EPHA6: variants seen among roughly 807,000 people sequenced by gnomAD.
EPHA6 encodes the protein ephrin type-A receptor 6.
In EPHA6, 50 loss-of-function variants were observed where a neutral mutation model predicts 112.0. That is an observed-to-expected ratio of 0.45 (90% CI 0.36 to 0.56). The LOEUF (loss-of-function observed/expected upper bound fraction) is 0.56, where lower values mean the gene tolerates loss of function less well. Among genes scored for constraint, EPHA6 ranks in the 20% least tolerant of loss-of-function variants. EPHA6 has a pLI of 0.00. For synonymous variants in EPHA6, 529 were observed against 490.7 expected, an observed-to-expected ratio of 1.08 and a Z score of -1.03; for missense variants, 1,280 against 1,417.4, an observed-to-expected ratio of 0.90 and a Z score of 1.56.
At chr3:97,188,905 G>A (rs1000999525) in intron 3 of EPHA6, among the ~76,000 whole-genome samples, 3 of 151,942 alleles carry the variant, frequency 2.0e-5, no homozygotes, top group Non-Finnish European at 2.9e-5. Flanking sequence ...TACTGAAGAT[G>A]AGCAGTTTGG....
intron 14 of EPHA6, among the ~76,000 whole-genome samples, chr3:97,698,323 C>T (rs182797756): frequency 2.4e-4 from 36 of 152,108 alleles, no homozygotes; most frequent in East Asian, 1.9e-3. Context: ...TCTTCATCTA[C>T]TTACTAATAA....
chr3:97,463,548 T>C (rs1245626330), intron 7 of EPHA6, among the ~76,000 whole-genome samples: 1 of 152,170 alleles, frequency 6.6e-6, no homozygotes, highest in Non-Finnish European at 1.5e-5. Context: ...ATAGAAAAGT[T>C]ATCATACGCT....
chr3:97,060,707 C>G (rs1055896423), intron 3 of EPHA6, among the ~76,000 whole-genome samples: 2 of 151,532 alleles, frequency 1.3e-5, no homozygotes, highest in Admixed American at 1.3e-4. Context: ...GTCAGGAGAT[C>G]GAGACCATCC....
intron 3 of EPHA6, among the ~76,000 whole-genome samples, chr3:97,187,709 GAAA>G (rs1478140243): frequency 7.1e-6 from 1 of 141,792 alleles, no homozygotes; most frequent in Non-Finnish European, 1.5e-5. Flanking sequence ...AAGAAAGAAA[GAAA>G]GAAAGAAAGA....
intron 3 of EPHA6, among the ~76,000 whole-genome samples, chr3:97,091,521 A>G (rs555128127): frequency 2.0e-5 from 3 of 152,276 alleles, no homozygotes; most frequent in African/African-American, 7.2e-5. Flanking sequence ...CAGAAGTTCA[A>G]AGGCATAGAT....
intron 3 of EPHA6, among the ~76,000 whole-genome samples, chr3:97,224,045 A>T (rs949576904): frequency 6.6e-5 from 10 of 152,182 alleles, no homozygotes; most frequent in South Asian, 2.1e-4. Context: ...AAAAAAATTT[A>T]AAATCCAAGG....
intron 14 of EPHA6, among the ~76,000 whole-genome samples, chr3:97,712,511 A>G (rs2034019457): frequency 6.6e-6 from 1 of 152,222 alleles, no homozygotes; most frequent in South Asian, 2.1e-4. Flanking sequence ...CTCAGATACA[A>G]TGGCAGTTCT....
intron 12 of EPHA6, among the ~76,000 whole-genome samples, chr3:97,594,142 T>C (rs1392537671): frequency 6.6e-6 from 1 of 152,224 alleles, no homozygotes; most frequent in African/African-American, 2.4e-5. Flanking sequence ...CCCTTAACTC[T>C]TAATGACAAA....
At chr3:97,644,665 C>G (rs536807744) in intron 14 of EPHA6, among the ~76,000 whole-genome samples, 39 of 150,376 alleles carry the variant, frequency 2.6e-4, no homozygotes, top group South Asian at 1.7e-3. Context: ...AACACCTCTA[C>G]GCAAATAAAC....
intron 2 of EPHA6, among the ~76,000 whole-genome samples, chr3:96,980,228 A>AT (rs1326001178): frequency 3.3e-5 from 5 of 152,224 alleles, no homozygotes; most frequent in South Asian, 2.1e-4. Flanking sequence ...TGATTTTTGT[A>AT]TAAGGTGTAA....
intron 11 of EPHA6, among the ~76,000 whole-genome samples, chr3:97,577,901 C>T (rs1315082478): frequency 2.6e-5 from 4 of 151,960 alleles, no homozygotes; most frequent in African/African-American, 9.7e-5. Flanking sequence ...CTTCATTTCT[C>T]ATTCATTTTC....
At chr3:97,231,693 G>A (rs1576732632) in intron 4 of EPHA6, among the ~76,000 whole-genome samples, 1 of 152,144 alleles carries the variant, frequency 6.6e-6, no homozygotes, top group Non-Finnish European at 1.5e-5. Flanking sequence ...AGGTCTGAGG[G>A]AGGTAGTGAA....
intron 7 of EPHA6, among the ~76,000 whole-genome samples, chr3:97,451,274 T>A (rs1009369818): frequency 2.0e-4 from 30 of 152,006 alleles, no homozygotes; most frequent in African/African-American, 6.8e-4. Context: ...TTTACACATA[T>A]TACCTCATTT....
chr3:97,563,767 T>C (rs2093224453), intron 11 of EPHA6, among the ~76,000 whole-genome samples: 1 of 152,198 alleles, frequency 6.6e-6, no homozygotes, highest in South Asian at 2.1e-4. Context: ...AACATTCTCC[T>C]TTAATGGACA....
intron 4 of EPHA6, among the ~76,000 whole-genome samples, chr3:97,230,279 A>G (rs2078486761): frequency 6.6e-6 from 1 of 152,160 alleles, no homozygotes; most frequent in Admixed American, 6.5e-5. Context: ...GAAGGCTTAG[A>G]GTTATTCAGC....
At chr3:97,680,066 T>C (rs902521441) in intron 14 of EPHA6, among the ~76,000 whole-genome samples, 16 of 152,210 alleles carry the variant, frequency 1.1e-4, no homozygotes, top group African/African-American at 3.9e-4. Context: ...GTACTTCTTA[T>C]GTCTTTGAGG....
intron 6 of EPHA6, among the ~76,000 whole-genome samples, chr3:97,441,090 A>G (rs1360392480): frequency 6.6e-6 from 1 of 152,034 alleles, no homozygotes; most frequent in African/African-American, 2.4e-5. Flanking sequence ...CAGAACATTA[A>G]TAAGTGGAAA....
chr3:97,052,298 G>T (rs1315256525), intron 3 of EPHA6, among the ~76,000 whole-genome samples: 1 of 152,048 alleles, frequency 6.6e-6, no homozygotes, highest in African/African-American at 2.4e-5. Flanking sequence ...CCTCCTGTAT[G>T]ATGACTGTTT....
chr3:97,481,298 C>T (rs2091535752), intron 9 of EPHA6: 16 of 1,541,104 alleles, frequency 1.0e-5, no homozygotes, highest in African/African-American at 5.4e-5. Flanking sequence ...AAAGAGTATC[C>T]GTCTTGGAGG....
Sources: gnomAD v4.1 joint callset for allele counts (sites outside exome capture counted in the v4.1 genomes callset) on GRCh38, gnomAD v4.1.1 for gene constraint, MANE v1.5 for transcripts, NCBI Gene and HGNC (gene_info 2026-07-23, HGNC 2026-07-21) for gene names.